The following SCML2 variants were observed in gnomAD, a reference collection of about 807,000 sequenced individuals.
SCML2 encodes the protein Scm polycomb group protein like 2.
SCML2 carries 6 observed loss-of-function variants against 48.4 expected under a neutral mutation model. That is an observed-to-expected ratio of 0.12 (90% CI 0.07 to 0.24). SCML2 has a LOEUF of 0.24. Ranked by LOEUF, SCML2 falls within the 10% of genes least tolerant of loss-of-function variation. The probability of loss-of-function intolerance (pLI) is 1.00; values close to 1 mark genes in which losing one functional copy is unlikely to be tolerated. For synonymous variants in SCML2, 181 were observed against 189.5 expected (o/e 0.95, Z 0.37); for missense variants, 377 against 528.2 (o/e 0.71, Z 2.81).
At chrX:18,276,020 C>G (rs180896804) in intron 7 of SCML2, among the ~76,000 whole-genome samples, 38 of 112,163 alleles carry the variant, frequency 3.4e-4, no homozygotes, top group African/African-American at 1.1e-3. Context: ...GTTTAGCAGC[C>G]GGGCGCAGTG....
At chrX:18,271,116 T>G (rs1602093761) in intron 7 of SCML2, among the ~76,000 whole-genome samples, 1 of 111,276 alleles carries the variant, frequency 9.0e-6, no homozygotes, top group East Asian at 2.8e-4. Flanking sequence ...TCTGGAAGCC[T>G]GGAATGAGGG....
At chrX:18,268,780 A>G (rs1349570179) in intron 7 of SCML2, among the ~76,000 whole-genome samples, 1 of 110,369 alleles carries the variant, frequency 9.1e-6, no homozygotes, top group Non-Finnish European at 1.9e-5. Context: ...TAAAAAAAAA[A>G]AGAAAAGTTT....
At chrX:18,276,454 C>T (rs1927642282) in intron 7 of SCML2, among the ~76,000 whole-genome samples, 1 of 111,563 alleles carries the variant, frequency 9.0e-6, no homozygotes, top group Non-Finnish European at 1.9e-5. Flanking sequence ...AGTAGTGCTG[C>T]TATGAACATG....
chrX:18,265,541 A>G (rs1194058036), intron 8 of SCML2, 44 bp downstream of exon 8: 9 of 978,625 alleles, frequency 9.2e-6, no homozygotes, highest in South Asian at 2.1e-5. Flanking sequence ...ATAATAAGGC[A>G]CTATAAAAAC....
At chrX:18,353,637 A>G (rs1270771039) in intron 1 of SCML2, among the ~76,000 whole-genome samples, 2 of 112,837 alleles carry the variant, frequency 1.8e-5, no homozygotes, top group Non-Finnish European at 3.7e-5. Context: ...TGCTTGACAA[A>G]TGTTTAACAA....
At chrX:18,308,428 T>A (rs1045243534) in intron 6 of SCML2, among the ~76,000 whole-genome samples, 2 of 108,878 alleles carry the variant, frequency 1.8e-5, no homozygotes, top group Non-Finnish European at 3.8e-5. Flanking sequence ...AAACTATCCA[T>A]CACAAGAGAT....
chrX:18,315,264 A>G (rs939158203), intron 6 of SCML2, among the ~76,000 whole-genome samples: 1 of 110,754 alleles, frequency 9.0e-6, no homozygotes, highest in African/African-American at 3.3e-5. Flanking sequence ...ACAGGTATCT[A>G]CAAGCTTTCA....
chrX:18,322,252 C>T (rs1352562322), intron 5 of SCML2, among the ~76,000 whole-genome samples: 1 of 112,276 alleles, frequency 8.9e-6, no homozygotes, highest in Non-Finnish European at 1.9e-5. Flanking sequence ...CTAATCAGCA[C>T]ATATTTCTAT....
intron 7 of SCML2, among the ~76,000 whole-genome samples, chrX:18,273,785 C>A (rs758741565): frequency 3.6e-5 from 4 of 110,921 alleles, no homozygotes; most frequent in Admixed American, 9.6e-5. Context: ...CCCTTACCCC[C>A]CATCCTGTGC....
Position 18,305,190 on chromosome X carries a change from T to C in SCML2, c.512A>G (p.Asn171Ser). 8.3e-7 allele frequency: 1 copy of C among 1,204,643 alleles called. No individual in the cohort carries two copies. The highest frequency in any genetic ancestry group is 1.1e-6 in the Non-Finnish European group (1 of 892,499). ...KKEPPKPPLN[N>S]FKVGMKLEAI... ...TTCCAGTTTCATCCCCACTTTAAAATTATTTAGTGGGGGCTTTGGTGGTTC... is the reference window on the plus strand; with the variant it reads ...TTCCAGTTTCATCCCCACTTTAAAACTATTTAGTGGGGGCTTTGGTGGTTC... The change falls in exon 7 of 15, where the codon AAT becomes AGT. Residue 171 changes from asparagine (N) to serine (S), a missense_variant. Physicochemically the swap from Asn to Ser is conservative, Grantham distance 46. Around this residue, in one of 3 missense-constraint regions of SCML2, gnomAD observed 299 missense variants for 425.5 expected, o/e 0.70. Transcript: ENST00000251900.
chrX:18,244,206 T>C (rs1307070386), intron 13 of SCML2, among the ~76,000 whole-genome samples: 1 of 111,826 alleles, frequency 8.9e-6, no homozygotes, highest in Non-Finnish European at 1.9e-5. Context: ...CAAGTAAAAA[T>C]GATGATGGTG....
chrX:18,297,149 G>T (rs1569152258), intron 7 of SCML2, among the ~76,000 whole-genome samples: 1 of 112,066 alleles, frequency 8.9e-6, no homozygotes, highest in East Asian at 2.8e-4. Flanking sequence ...CATCTCAACA[G>T]ATGCAGAAAA....
chrX:18,321,700 TA>T (rs1929328554), intron 5 of SCML2, among the ~76,000 whole-genome samples: 1 of 109,121 alleles, frequency 9.2e-6, no homozygotes, highest in South Asian at 4.0e-4. Context: ...GAGTATTGCA[TA>T]AGAATCATTC....
chrX:18,313,923 T>A (rs953854370), intron 6 of SCML2, among the ~76,000 whole-genome samples: 1 of 111,568 alleles, frequency 9.0e-6, no homozygotes, highest in Non-Finnish European at 1.9e-5. Context: ...AAGGTTAGCA[T>A]GCAGTAGCGA....
chrX:18,284,788 C>T (rs1486369375), intron 7 of SCML2, among the ~76,000 whole-genome samples: 1 of 112,413 alleles, frequency 8.9e-6, no homozygotes, highest in Non-Finnish European at 1.9e-5. Context: ...CGCCTATAAT[C>T]CCAGCATTTT....
intron 1 of SCML2, among the ~76,000 whole-genome samples, chrX:18,348,356 G>C (rs1930267753): frequency 8.9e-6 from 1 of 111,903 alleles, no homozygotes; most frequent in South Asian, 3.7e-4. Flanking sequence ...AGAAATAATG[G>C]AAATGATGAC....
intron 1 of SCML2, among the ~76,000 whole-genome samples, chrX:18,334,832 C>T (rs1387195978): frequency 8.9e-6 from 1 of 112,087 alleles, no homozygotes; most frequent in Non-Finnish European, 1.9e-5. Flanking sequence ...GGCTATCTAT[C>T]CCGCCATTAC....
intron 1 of SCML2, among the ~76,000 whole-genome samples, chrX:18,350,756 C>T (rs1602158589): frequency 9.0e-6 from 1 of 110,702 alleles, no homozygotes; most frequent in Admixed American, 9.7e-5. Flanking sequence ...AAAAGAACTA[C>T]CACAAACTCT....
chrX:18,301,218 T>C (rs1320719172), intron 7 of SCML2, among the ~76,000 whole-genome samples: 1 of 110,464 alleles, frequency 9.1e-6, no homozygotes, highest in African/African-American at 3.3e-5. Context: ...ACCAATATGG[T>C]GAAACCCCGT....
Sources: gnomAD v4.1 joint callset for allele counts (sites outside exome capture counted in the v4.1 genomes callset) on GRCh38, gnomAD v4.1.1 for gene constraint, gnomAD v4.1.1 regional missense constraint, MANE v1.5 for transcripts, NCBI Gene and HGNC (gene_info 2026-07-23, HGNC 2026-07-21) for gene names.